PLCH1: variants seen among roughly 807,000 people sequenced by gnomAD.
The protein encoded by PLCH1 is phospholipase C eta 1.
A neutral mutation model predicts 126.7 loss-of-function variants in PLCH1; 60 were observed. The ratio of observed to expected loss-of-function variants is 0.47; its 90% CI spans 0.38 to 0.59. The LOEUF is 0.59. Among genes scored for constraint, PLCH1 ranks in the 20% least tolerant of loss-of-function variants. The probability of loss-of-function intolerance (pLI) is 0.00; values close to 1 mark genes in which losing one functional copy is unlikely to be tolerated. For missense variants in PLCH1, 1,723 were observed against 2,040.0 expected, an observed-to-expected ratio of 0.84 and a Z score of 2.99; for synonymous variants, 719 against 734.9, an observed-to-expected ratio of 0.98 and a Z score of 0.35.
intron 1 of PLCH1, among the ~76,000 whole-genome samples, chr3:155,706,806 C>G (rs1746710305): frequency 6.6e-6 from 1 of 152,064 alleles, no homozygotes; most frequent in South Asian, 2.1e-4. Flanking sequence ...GGTTCCCTAT[C>G]TCTCAAGATG....
Position 155,482,735 on chromosome 3 carries a change from C to T in PLCH1, c.3291G>A (p.Val1097=). The stretch of plus-strand genomic sequence containing the variant: ...CAGGATTACCCTTTTCCTTGATTTT[C>T]ACACCATGCAGATCTTGTGTGGGGT... ...VVNPTQDLHG[V]KIKEKGNPED... Residue 1097 remains valine (V), a synonymous_variant, in exon 23 of 23, where the codon GTG becomes GTA. Transcript: ENST00000460012. The T allele has an allele frequency of 6.2e-7, 1 of 1,614,184 alleles. No homozygotes were observed. The highest frequency in any genetic ancestry group is 8.5e-7 in the Non-Finnish European group (1 of 1,180,022).
At chr3:155,678,570 G>T (rs1744275382) in intron 2 of PLCH1, among the ~76,000 whole-genome samples, 1 of 152,138 alleles carries the variant, frequency 6.6e-6, no homozygotes, top group South Asian at 2.1e-4. Context: ...TCCTGAAGTT[G>T]GCAGAGACAC....
chr3:155,490,339 G>A (rs545597018), intron 19 of PLCH1, among the ~76,000 whole-genome samples: 1 of 152,206 alleles, frequency 6.6e-6, no homozygotes, highest in East Asian at 1.9e-4. Flanking sequence ...TATTCAAGAA[G>A]TAAACTCGCC....
At chr3:155,692,930 A>C (rs146074361) in intron 2 of PLCH1, among the ~76,000 whole-genome samples, 3 of 151,876 alleles carry the variant, frequency 2.0e-5, no homozygotes, top group Non-Finnish European at 1.5e-5. Context: ...CTACAGGCGC[A>C]CGCTGCCACG....
intron 2 of PLCH1, among the ~76,000 whole-genome samples, chr3:155,598,730 C>T (rs970003850): frequency 6.6e-6 from 1 of 152,122 alleles, no homozygotes; most frequent in Non-Finnish European, 1.5e-5. Flanking sequence ...ATTTCCTTAT[C>T]TATAAAATGG....
intron 10 of PLCH1, among the ~76,000 whole-genome samples, chr3:155,536,232 GA>G (rs1476333085): frequency 6.6e-6 from 1 of 152,188 alleles, no homozygotes; most frequent in Non-Finnish European, 1.5e-5. Context: ...AAAGGAACCA[GA>G]AAAACAATTC....
intron 2 of PLCH1, among the ~76,000 whole-genome samples, chr3:155,644,921 G>T (rs1739850292): frequency 6.6e-6 from 1 of 152,166 alleles, no homozygotes; most frequent in Non-Finnish European, 1.5e-5. Flanking sequence ...ATAAAGATGG[G>T]CATCAAGGGG....
At chr3:155,657,205 AG>A (rs1559904162) in intron 2 of PLCH1, among the ~76,000 whole-genome samples, 1 of 152,218 alleles carries the variant, frequency 6.6e-6, no homozygotes, top group Non-Finnish European at 1.5e-5. Flanking sequence ...ACAGTTTTCA[AG>A]GCTTTGGAGT....
Position 155,481,483 on chromosome 3 carries a change from T to C in PLCH1, c.4543A>G (p.Ile1515Val). The C allele has an allele frequency of 6.2e-7, 1 of 1,614,190 alleles. No homozygotes were observed. The highest frequency in any genetic ancestry group is 8.5e-7 in the Non-Finnish European group (1 of 1,180,040). ...ACAGTCACGCCCTTCTTGTCTCTAA[T>C]GCCAGTTGTAACAAAACTCTTACTA... ...CISKSFVTTG[I>V]RDKKGVTVKT... Residue 1515 changes from isoleucine to valine, a missense_variant, in exon 23 of 23, where the codon ATT (isoleucine) becomes GTT (valine). Ile to Val is a conservative substitution (Grantham distance 29). This residue lies in a region of PLCH1 where 947 missense variants were observed against 977.1 expected (regional missense o/e 0.97). Coordinates refer to ENST00000460012, the MANE Select transcript of PLCH1 (RefSeq NM_014996.4). The surrounding 1 kb of genome is among the most constrained non-coding windows in gnomAD (Gnocchi z 4.2).
intron 10 of PLCH1, among the ~76,000 whole-genome samples, chr3:155,532,531 T>C (rs535227292): frequency 8.5e-5 from 13 of 152,202 alleles, no homozygotes; most frequent in African/African-American, 3.1e-4. Flanking sequence ...GGGGAGGTGA[T>C]TGGACTATGG....
At chr3:155,743,174 T>C (rs1415115114) in intron 1 of PLCH1, 1 of 426,758 alleles carries the variant, frequency 2.3e-6, no homozygotes, top group South Asian at 1.7e-5. Context: ...AGGCTGTATG[T>C]AAACAAACGG....
intron 6 of PLCH1, among the ~76,000 whole-genome samples, chr3:155,574,683 C>T (rs951879233): frequency 6.6e-5 from 10 of 152,192 alleles, no homozygotes; most frequent in African/African-American, 2.4e-4. Context: ...AACTAGCTAC[C>T]TCTAATTCAT....
intron 2 of PLCH1, among the ~76,000 whole-genome samples, chr3:155,668,058 C>G (rs140786382): frequency 0.054 from 7,578 of 141,514 alleles, 242 homozygotes; most frequent in Middle Eastern, 0.11. Flanking sequence ...GCACTCCAGC[C>G]TGGGTGACAG....
At position 155,572,265 on chromosome 3, in the gene PLCH1, A is replaced by G. The variant is rs1046811283; in HGVS notation, c.772-3941T>C. On this transcript the variant is annotated intron_variant, in intron 6 of 22. Transcript: ENST00000460012. ...TGTGTTTTTGTGTGTGCTCTGGTGT[A>G]TTTGTCTTTTATTCCACACACACAT... Among the ~76,000 whole-genome samples the G allele has an allele frequency of 5.9e-5, 9 of 152,168 alleles. No homozygotes were observed. The East Asian group carries it at 1.4e-3, about 23-fold the overall frequency.
intron 19 of PLCH1, among the ~76,000 whole-genome samples, chr3:155,489,348 G>C (rs980280092): frequency 1.3e-5 from 2 of 152,068 alleles, no homozygotes; most frequent in Non-Finnish European, 2.9e-5. Context: ...GAGTAGAGCA[G>C]GGTTTTGGTT....
chr3:155,498,415 A>G (rs1462920562), intron 14 of PLCH1, among the ~76,000 whole-genome samples: 1 of 152,170 alleles, frequency 6.6e-6, no homozygotes, highest in Non-Finnish European at 1.5e-5. Context: ...CGTGGGGACT[A>G]TTGTAATGTG....
intron 6 of PLCH1, among the ~76,000 whole-genome samples, chr3:155,574,258 G>A (rs574150517): frequency 6.6e-6 from 1 of 152,228 alleles, no homozygotes; most frequent in Admixed American, 6.5e-5. Context: ...GTAGAGAAGG[G>A]ACAGTTGCCC....
At chr3:155,717,950 CT>C (rs1206358236) in intron 1 of PLCH1, among the ~76,000 whole-genome samples, 2 of 152,192 alleles carry the variant, frequency 1.3e-5, no homozygotes, top group African/African-American at 4.8e-5. Flanking sequence ...TTAAGCTCTG[CT>C]TGCTATTTAA....
chr3:155,456,263 G>T (rs1286838969), intron 21 of PLCH1, among the ~76,000 whole-genome samples: 1 of 150,880 alleles, frequency 6.6e-6, no homozygotes, highest in African/African-American at 2.4e-5. Flanking sequence ...GCTTCCCTGG[G>T]CCACACTGCA....
Sources: gnomAD v4.1 joint callset for allele counts (sites outside exome capture counted in the v4.1 genomes callset) on GRCh38, gnomAD v4.1.1 for gene constraint, gnomAD v4.1.1 regional missense constraint, Gnocchi (gnomAD v3.1) non-coding constraint, MANE v1.5 for transcripts, NCBI Gene and HGNC (gene_info 2026-07-23, HGNC 2026-07-21) for gene names.